The following CDC6 variants were observed in gnomAD, a reference collection of about 807,000 sequenced individuals.
CDC6 encodes DNA replication factor CDC6.
In CDC6, 46 loss-of-function variants were observed where a neutral mutation model predicts 60.2. That is an observed-to-expected ratio of 0.76 (90% confidence interval 0.60 to 0.98). The LOEUF (loss-of-function observed/expected upper bound fraction) is 0.98. Among genes scored for constraint, CDC6 ranks in the 50% least tolerant of loss-of-function variants. The pLI, the probability that CDC6 is intolerant of heterozygous loss-of-function variation, is 0.00. For synonymous variants in CDC6, 210 were observed against 233.2 expected (o/e 0.90, Z 0.90); for missense variants, 596 against 652.9 (o/e 0.91, Z 0.95).
intron 2 of CDC6, among the ~76,000 whole-genome samples, chr17:40,290,332 T>G (rs1440155371): frequency 1.3e-5 from 2 of 152,118 alleles, no homozygotes; most frequent in Non-Finnish European, 2.9e-5. Flanking sequence ...GGGGGGTAAT[T>G]TGGTTGTTTC....
At chr17:40,289,382 T>A (rs372475751) in intron 1 of CDC6, 26 bp from the exon 2 acceptor site, 1 of 1,567,166 alleles carries the variant, frequency 6.4e-7, no homozygotes. Context: ...TATTGACTAG[T>A]TGTCCTCTTA....
intron 10 of CDC6, 83 bp from the exon 11 acceptor site, chr17:40,301,385 C>T: frequency 7.0e-7 from 1 of 1,423,638 alleles, no homozygotes. Flanking sequence ...TTTTGCAAAC[C>T]CAGACTCAGG....
At chr17:40,300,114 C>T (rs1426530258) in intron 9 of CDC6, among the ~76,000 whole-genome samples, 1 of 152,138 alleles carries the variant, frequency 6.6e-6, no homozygotes, top group Non-Finnish European at 1.5e-5. Flanking sequence ...AGGCGCCTGC[C>T]ACCACATCCA....
At position 40,291,222 on chromosome 17, in the gene CDC6, G is replaced by C. The variant is rs1445347849; in HGVS notation, c.343G>C (p.Val115Leu). 5.6e-6 allele frequency: 9 copies of C among 1,614,060 alleles called. No homozygotes were observed. The highest frequency in any genetic ancestry group is 7.6e-6 in the Non-Finnish European group (9 of 1,180,032). ...KSPSKRELAK[V>L]HQNKILSSVR... ...TCCTAGCAAAAGAGAACTAGCCAAAGTTCACCAAAACAAAATACTTTCTTC... is the reference window on the plus strand; with the variant it reads ...TCCTAGCAAAAGAGAACTAGCCAAACTTCACCAAAACAAAATACTTTCTTC... Residue 115 changes from valine (V) to leucine (L), a missense_variant, in exon 3 of 12, where the codon GTT becomes CTT. Transcript: ENST00000209728.
In CDC6 at chr17:40,302,707, G is replaced by A. The variant is rs990807277; in HGVS notation, c.*706G>A. ...AGTTTAGGGTAAGAAGAATGAAAAT[G>A]ATCCAGAAAAATGCAAGCAAGTCCA... On this transcript the variant is annotated 3_prime_UTR_variant, in exon 12 of 12. Transcript: ENST00000209728. The A allele has an allele frequency of 1.3e-5, 2 of 152,222 alleles. No homozygotes were observed. Among genetic ancestry groups the A allele is most frequent in the African/African-American group, 2.4e-5 (1 of 41,428 alleles). The allele number at this position is 152,222 out of a possible 1,614,324, so 9.4% of individuals were successfully genotyped here. A position where few individuals can be genotyped will look rare whatever the true frequency, so the allele number is the denominator to read the frequency against.
Position 40,301,597 on chromosome 17 carries a change from C to T in CDC6, c.1582C>T (p.Arg528Cys), listed in dbSNP as rs778383432. The T allele has an allele frequency of 3.1e-6, 5 of 1,614,028 alleles. No individual in the cohort carries two copies. The highest frequency in any genetic ancestry group is 1.6e-4 in the Middle Eastern group (1 of 6,062). The stretch of plus-strand genomic sequence containing the variant: ...AGGATTAAAGAGAAACAAGGAAACC[C>T]GTTTGACAAAGGTACAACTGCTTTT... ...ILGLKRNKET[R>C]LTKVFFKIEE... The change falls in exon 11 of 12, where the codon CGT becomes TGT. Residue 528 changes from arginine (R) to cysteine (C), a missense_variant. Transcript: ENST00000209728.
At chr17:40,289,046 T>C (rs1385005131) in intron 1 of CDC6, 1 of 321,384 alleles carries the variant, frequency 3.1e-6, no homozygotes, top group African/African-American at 2.2e-5. Flanking sequence ...GTTAAGAACT[T>C]GGGCTCTGGC....
In CDC6 at chr17:40,291,315, T is replaced by C. The variant is rs2032758309; in HGVS notation, c.436T>C (p.Cys146Arg). 6.2e-7 allele frequency: 1 copy of C among 1,614,222 alleles called. No individual in the cohort carries two copies. The highest frequency in any genetic ancestry group is 2.2e-5 in the East Asian group (1 of 44,894). The change falls in exon 3 of 12, where the codon TGT (cysteine) becomes CGT (arginine). Residue 146 changes from cysteine to arginine, a missense_variant. Physicochemically the swap from Cys to Arg is radical, Grantham distance 180. Transcript: ENST00000209728. ...QRCPLKKESA[C>R]VRLFKQEGTC... Reference sequence around the variant, plus strand: ...ATGTCCACTGAAGAAAGAATCTGCATGTGTGAGACTATTCAAGCAAGAAGG... The same window carrying C: ...ATGTCCACTGAAGAAAGAATCTGCACGTGTGAGACTATTCAAGCAAGAAGG...
chr17:40,293,412 T>A, intron 4 of CDC6, 44 bp from the exon 5 acceptor site: 1 of 1,534,264 alleles, frequency 6.5e-7, no homozygotes, highest in East Asian at 2.2e-5. Context: ...GATCTTTATT[T>A]TCTGAGGCCA....
In CDC6 at chr17:40,291,497, C is replaced by G. The variant is rs1032366432; in HGVS notation, c.489C>G (p.Val163=). 3 of 1,614,046 alleles carry G rather than the reference C, an allele frequency of 1.9e-6. No homozygotes were observed. In the African/African-American group the frequency reaches 4.0e-5, roughly 22 times the overall value. ...CTTGCTACCAGCAAGCAAAGCTGGT[C>G]CTGAACACAGCTGTCCCAGATCGGC... The part of the protein sequence containing the change: ...EGTCYQQAKL[V]LNTAVPDRLP... Residue 163 remains valine (V), a synonymous_variant, in exon 4 of 12, where the codon GTC becomes GTG. Coordinates refer to ENST00000209728, the MANE Select transcript of CDC6 (RefSeq NM_001254.4).
chr17:40,293,748 G>A, intron 5 of CDC6, 117 bp downstream of exon 5: 1 of 949,336 alleles, frequency 1.1e-6, no homozygotes, highest in Non-Finnish European at 1.7e-6. Flanking sequence ...TAAAGGGAAA[G>A]AAGAGAAGGA....
In CDC6 at chr17:40,302,014, C is replaced by A. The variant is rs377378892; in HGVS notation, c.*13C>A. ...TGGATTGCCTTAAATTCTTCTCTTA[C>A]ACCCCACCCGAAAGTATTCAGCTGG... On this transcript the variant is annotated 3_prime_UTR_variant, in exon 12 of 12. Transcript: ENST00000209728. 1.4e-6 allele frequency: 2 copies of A among 1,419,208 alleles called. No homozygotes were observed. The highest frequency in any genetic ancestry group is 2.0e-6 in the Non-Finnish European group (2 of 1,002,070). The allele number at this position is 1,419,208 out of a possible 1,614,324, so 87.9% of individuals were successfully genotyped here.
At chr17:40,290,308 A>G (rs1173191878) in intron 2 of CDC6, among the ~76,000 whole-genome samples, 2 of 152,158 alleles carry the variant, frequency 1.3e-5, no homozygotes, top group Non-Finnish European at 2.9e-5. Flanking sequence ...GTTTTGGAAC[A>G]TTTATTTTTA....
At chr17:40,293,714 C>G (rs914137207) in intron 5 of CDC6, 83 bp downstream of exon 5, 1 of 1,149,488 alleles carries the variant, frequency 8.7e-7, no homozygotes, top group Non-Finnish European at 1.3e-6. Flanking sequence ...TATATTTTCT[C>G]TCTGAAGGAT....
In CDC6 at chr17:40,301,478, C is replaced by T. The variant is rs2032939420; in HGVS notation, c.1463C>T (p.Ala488Val). Residue 488 changes from alanine to valine, a missense_variant, in exon 11 of 12, where the codon GCC becomes GTC. Physicochemically the swap from Ala to Val is moderately conservative, Grantham distance 64. Transcript: ENST00000209728. ...CTTGTTTCCTACCAGTTATATGAAG[C>T]CTACAGTAAAGTCTGTCGCAAACAG... ...KEVTLGKLYEAYSKVCRKQQV... is the reference protein window; with the variant it reads ...KEVTLGKLYEVYSKVCRKQQV... 3 of 1,613,940 alleles carry T rather than the reference C, an allele frequency of 1.9e-6. No homozygotes were observed. Among genetic ancestry groups the T allele is most frequent in the African/African-American group, 1.3e-5 (1 of 75,036 alleles).
In CDC6 at chr17:40,302,996, C is replaced by G. The variant is rs1280259804; in HGVS notation, c.*995C>G. 6.6e-6 allele frequency: 1 copy of G among 152,214 alleles called. No individual in the cohort carries two copies. The highest frequency in any genetic ancestry group is 6.5e-5 in the Admixed American group (1 of 15,284). The allele number at this position is 152,214 out of a possible 1,614,324, so 9.4% of individuals were successfully genotyped here. ...GTCAATGTGAAAATTCCTTCCTAGGCTGTCCCACAGTCTTTGCTGCCCTTA... is the reference window on the plus strand; with the variant it reads ...GTCAATGTGAAAATTCCTTCCTAGGGTGTCCCACAGTCTTTGCTGCCCTTA... On this transcript the variant is annotated 3_prime_UTR_variant, in exon 12 of 12. Coordinates refer to ENST00000209728, the MANE Select transcript of CDC6 (RefSeq NM_001254.4).
intron 4 of CDC6, among the ~76,000 whole-genome samples, chr17:40,292,925 G>A (rs1234646498): frequency 1.3e-5 from 2 of 150,900 alleles, no homozygotes; most frequent in Non-Finnish European, 1.5e-5. Flanking sequence ...GCAAGACTCC[G>A]TCTCAAAAAA....
At position 40,300,949 on chromosome 17, in the gene CDC6, C is replaced by T. The variant is rs1352371855; in HGVS notation, c.1371C>T (p.Phe457=). 1 of 1,613,724 alleles carries T rather than the reference C, an allele frequency of 6.2e-7. No homozygotes were observed. The highest frequency in any genetic ancestry group is 1.3e-5 in the African/African-American group (1 of 74,904). Residue 457 remains phenylalanine (F), a synonymous_variant, in exon 10 of 12, where the codon TTC becomes TTT. Transcript: ENST00000209728. ...GCCAAGAAGGAGCACAAGATTCCTT[C>T]CCTCTTCAGCAGAAGATCTTGGTTT... ...TLSQEGAQDS[F]PLQQKILVCS... is the part of the protein sequence containing the mutation.
At position 40,293,952 on chromosome 17, in the gene CDC6, T is replaced by C. The variant is rs147432601; in HGVS notation, c.839T>C (p.Val280Ala). 32 of 1,609,904 alleles carry C rather than the reference T, an allele frequency of 2.0e-5. No homozygotes were observed. The African/African-American group carries it at 3.9e-4, about 19-fold the overall frequency. The change falls in exon 6 of 12, where the codon GTG becomes GCG. Residue 280 changes from valine to alanine, a missense_variant and splice_region_variant. By Grantham distance (64) the Val-to-Ala change is moderately conservative. Transcript: ENST00000209728. ...HMTAEKGPMIVLVLDEMDQLD... is the reference protein window; with the variant it reads ...HMTAEKGPMIALVLDEMDQLD... Reference sequence around the variant, plus strand: ...ACTAACTGTTTCTCTTTTTATAGTGTGTTGGTATTGGACGAGATGGATCAA... The same window carrying C: ...ACTAACTGTTTCTCTTTTTATAGTGCGTTGGTATTGGACGAGATGGATCAA...
Sources: allele counts gnomAD v4.1 joint callset (sites outside exome capture counted in the v4.1 genomes callset), GRCh38; gene constraint gnomAD v4.1.1; transcripts MANE v1.5; gene names NCBI Gene and HGNC (gene_info 2026-07-23, HGNC 2026-07-21).